The following MAGI3 variants were observed in gnomAD, a reference collection of about 807,000 sequenced individuals.
MAGI3 encodes membrane-associated guanylate kinase, WW and PDZ domain-containing protein 3.
MAGI3 carries 43 observed loss-of-function variants against 121.8 expected under a neutral mutation model. The observed-to-expected ratio is 0.35, with a 90% CI of 0.28 to 0.46. The LOEUF (loss-of-function observed/expected upper bound fraction) is 0.46. Among genes scored for constraint, MAGI3 ranks in the 20% least tolerant of loss-of-function variants. The pLI, the probability that MAGI3 is intolerant of heterozygous loss-of-function variation, is 1.00. For missense variants in MAGI3, 1,547 were observed against 1,797.3 expected (o/e 0.86, Z 2.52); for synonymous variants, 553 against 639.3 (o/e 0.86, Z 2.04).
chr1:113,473,273 T>A (rs1294501572), intron 1 of MAGI3, among the ~76,000 whole-genome samples: 1 of 152,198 alleles, frequency 6.6e-6, no homozygotes, highest in Non-Finnish European at 1.5e-5. Flanking sequence ...TTTATTTTTT[T>A]ATTATACTTT....
At chr1:113,557,792 C>A (rs920345311) in intron 2 of MAGI3, among the ~76,000 whole-genome samples, 1 of 152,168 alleles carries the variant, frequency 6.6e-6, no homozygotes, top group African/African-American at 2.4e-5. Flanking sequence ...CAGCCACCTC[C>A]TACAGGTACG....
intron 9 of MAGI3, among the ~76,000 whole-genome samples, chr1:113,636,425 G>A (rs1269980304): frequency 2.0e-5 from 3 of 152,158 alleles, no homozygotes; most frequent in East Asian, 1.9e-4. Context: ...CTGGTATGTT[G>A]TGTCTTTCTT....
chr1:113,672,487 GTCTTC>G, intron 17 of MAGI3, 123 bp from the exon 18 acceptor site: 1 of 950,020 alleles, frequency 1.1e-6, no homozygotes, highest in Non-Finnish European at 1.5e-6. Flanking sequence ...GATATAGTCT[GTCTTC>G]ATAGTGGTTT....
At chr1:113,644,694 G>T (rs912360108) in intron 11 of MAGI3, among the ~76,000 whole-genome samples, 6 of 152,158 alleles carry the variant, frequency 3.9e-5, no homozygotes, top group Non-Finnish European at 7.3e-5. Context: ...TAATCACGTA[G>T]CCTGTTTAAG....
chr1:113,651,188 C>A lies in MAGI3; in HGVS notation c.2422C>A (p.Arg808=). ...TGGCCATGTGTTACTAACTGTCAGACGGAAGATCTTCTATGGAGGTGTGTG... is the reference window on the plus strand; with the variant it reads ...TGGCCATGTGTTACTAACTGTCAGAAGGAAGATCTTCTATGGAGGTGTGTG... ...RNGHVLLTVR[R]KIFYGEKQPE... Residue 808 remains arginine (R), a synonymous_variant, in exon 14 of 21, where the codon CGG becomes AGG. Transcript: ENST00000307546. 1.2e-6 allele frequency: 2 copies of A among 1,611,430 alleles called. No individual in the cohort carries two copies. Among genetic ancestry groups the A allele is most frequent in the Non-Finnish European group, 1.7e-6 (2 of 1,179,352 alleles).
intron 6 of MAGI3, among the ~76,000 whole-genome samples, chr1:113,611,309 A>G (rs1053278827): frequency 6.6e-6 from 1 of 152,056 alleles, no homozygotes; most frequent in Non-Finnish European, 1.5e-5. Flanking sequence ...GCTGGTCTTG[A>G]ACTCCTGACC....
At chr1:113,594,391 C>CAA in intron 5 of MAGI3, 90 bp from the exon 6 acceptor site, 3 of 942,840 alleles carry the variant, frequency 3.2e-6, no homozygotes, top group Non-Finnish European at 4.9e-6. Flanking sequence ...GTTCAAACAT[C>CAA]ATGTCTTTTA....
chr1:113,529,488 C>A lies in MAGI3; in HGVS notation c.317-20027C>A, dbSNP rs61819372. Among the ~76,000 whole-genome samples, 1,011 of 152,250 alleles carry A rather than the reference C, an allele frequency of 6.6e-3. 6 individuals are homozygous for A. Among genetic ancestry groups the A allele is most frequent in the Non-Finnish European group, 0.011 (779 of 68,010 alleles). ...TGTTCCCATTGATGCAGGCTCTGTC[C>A]TCATGATCTAATCACCTATCAAAGG... On this transcript the variant is annotated intron_variant, in intron 1 of 20. Transcript: ENST00000307546.
intron 1 of MAGI3, among the ~76,000 whole-genome samples, chr1:113,416,385 T>C (rs1268203680): frequency 1.8e-5 from 2 of 111,934 alleles, no homozygotes; most frequent in African/African-American, 6.8e-5. Flanking sequence ...ATATTAATAA[T>C]ATATATTAAT....
Position 113,611,955 on chromosome 1 carries a change from A to ATTTATTTT in MAGI3, c.1019-2639_1019-2638insTTTTATTT, listed in dbSNP as rs1345453856. ...TCCCAACTTATTTATTTATTTATTT[A>ATTTATTTT]TTTATTTATTTATTTGACTCGGTCT... On this transcript the variant is annotated intron_variant, in intron 6 of 20. Coordinates refer to ENST00000307546, the MANE Select transcript of MAGI3 (RefSeq NM_001142782.2). 9.5e-5 allele frequency among the ~76,000 whole-genome samples: 12 copies of ATTTATTTT among 126,730 alleles called. No homozygotes were observed. In the East Asian group the frequency reaches 3.1e-3, roughly 33 times the overall value. 83.1% of individuals were successfully genotyped at this position (126,730 alleles called of 152,430 possible).
At chr1:113,560,404 CA>C (rs200874361) in intron 2 of MAGI3, among the ~76,000 whole-genome samples, 3 of 147,482 alleles carry the variant, frequency 2.0e-5, no homozygotes, top group Admixed American at 6.8e-5. Flanking sequence ...CAAAAACAAA[CA>C]AAAAAAACCA....
intron 1 of MAGI3, among the ~76,000 whole-genome samples, chr1:113,413,095 T>C (rs895344130): frequency 6.6e-6 from 1 of 152,224 alleles, no homozygotes; most frequent in African/African-American, 2.4e-5. Context: ...TTTCTGTATA[T>C]GGCTAGCCAG....
chr1:113,470,357 A>C (rs1570721298), intron 1 of MAGI3, among the ~76,000 whole-genome samples: 2 of 152,076 alleles, frequency 1.3e-5, no homozygotes, highest in African/African-American at 2.4e-5. Flanking sequence ...TTCGCATTCT[A>C]GTTTGTGGGA....
chr1:113,514,296 A>G (rs1192238861), intron 1 of MAGI3, among the ~76,000 whole-genome samples: 8 of 152,070 alleles, frequency 5.3e-5, no homozygotes, highest in African/African-American at 1.7e-4. Flanking sequence ...AAGGACTATA[A>G]ATCATGCTGC....
intron 1 of MAGI3, among the ~76,000 whole-genome samples, chr1:113,540,840 A>G (rs969722564): frequency 6.6e-6 from 1 of 152,228 alleles, no homozygotes; most frequent in Non-Finnish European, 1.5e-5. Context: ...AACAAAAAAA[A>G]GTCCACAGCA....
chr1:113,527,874 T>C (rs1200117688), intron 1 of MAGI3, among the ~76,000 whole-genome samples: 1 of 152,178 alleles, frequency 6.6e-6, no homozygotes, highest in Non-Finnish European at 1.5e-5. Flanking sequence ...TTTCAACTAT[T>C]ATGAAAATTT....
chr1:113,671,388 T>C (rs1647543269), intron 16 of MAGI3, among the ~76,000 whole-genome samples: 1 of 152,224 alleles, frequency 6.6e-6, no homozygotes, highest in South Asian at 2.1e-4. Flanking sequence ...GTGTGTGCTC[T>C]GGAAGCCCAT....
chr1:113,593,125 A>G (rs946432327), intron 5 of MAGI3, among the ~76,000 whole-genome samples: 19 of 152,250 alleles, frequency 1.2e-4, no homozygotes, highest in African/African-American at 4.6e-4. Context: ...AAGATATAGA[A>G]GATGTGAGTA....
chr1:113,555,795 C>T lies in MAGI3; in HGVS notation c.433+6164C>T, dbSNP rs997159951. On this transcript the variant is annotated intron_variant, in intron 2 of 20. Transcript: ENST00000307546. ...GCACATACCTGTAGTCCTAGCTACT[C>T]GAGAGGCTGAGGCAGGAGGATCCCT... 4.6e-5 allele frequency among the ~76,000 whole-genome samples: 7 copies of T among 151,750 alleles called. No individual in the cohort carries two copies. In the East Asian group the frequency reaches 5.8e-4, roughly 13 times the overall value.
Sources: gnomAD v4.1 joint callset for allele counts (sites outside exome capture counted in the v4.1 genomes callset) on GRCh38, gnomAD v4.1.1 for gene constraint, MANE v1.5 for transcripts, NCBI Gene and HGNC (gene_info 2026-07-23, HGNC 2026-07-21) for gene names.